Variants in ATP13A4 observed in about 807,000 individuals in gnomAD.
The protein encoded by ATP13A4 is probable cation-transporting ATPase 13A4.
Under a neutral mutation model 142.5 loss-of-function variants are expected in ATP13A4, and 114 were observed. The observed-to-expected ratio is 0.80, with a 90% CI of 0.69 to 0.93. The LOEUF is 0.93. Among genes scored for constraint, ATP13A4 ranks in the 40% least tolerant of loss-of-function variants. The pLI, the probability that ATP13A4 is intolerant of heterozygous loss-of-function variation, is 0.00. For missense variants in ATP13A4, 1,392 were observed against 1,454.0 expected, an observed-to-expected ratio of 0.96 and a Z score of 0.69; for synonymous variants, 488 against 514.8, an observed-to-expected ratio of 0.95 and a Z score of 0.70.
chr3:193,433,176 A>G (rs576365151), intron 25 of ATP13A4, among the ~76,000 whole-genome samples: 7 of 152,346 alleles, frequency 4.6e-5, no homozygotes, highest in Non-Finnish European at 7.3e-5. Context: ...TCATTCATCA[A>G]TAGAATTTCA....
intron 2 of ATP13A4, among the ~76,000 whole-genome samples, chr3:193,503,852 C>G (rs1044524542): frequency 6.6e-6 from 1 of 152,080 alleles, no homozygotes; most frequent in Admixed American, 6.6e-5. Flanking sequence ...GGTGATCTCT[C>G]CTCTAAATCA....
Position 193,523,629 on chromosome 3 carries a change from A to G in ATP13A4, c.61-8758T>C, listed in dbSNP as rs562003747. Among the ~76,000 whole-genome samples the G allele has an allele frequency of 1.6e-4, 25 of 152,322 alleles. No homozygotes were observed. In the South Asian group the frequency reaches 5.0e-3, roughly 30 times the overall value. On this transcript the variant is annotated intron_variant, in intron 1 of 29. Transcript: ENST00000342695. Reference sequence around the variant, plus strand: ...GGTACTCTCCCTCCATGGGGACAAAAGCTCCGGTGCTAGAGTCTTCCAGAC... The same window carrying G: ...GGTACTCTCCCTCCATGGGGACAAAGGCTCCGGTGCTAGAGTCTTCCAGAC...
chr3:193,581,131 T>C (rs937409938), intron 2 of ATP13A4, among the ~76,000 whole-genome samples: 3 of 152,192 alleles, frequency 2.0e-5, no homozygotes, highest in African/African-American at 7.2e-5. Flanking sequence ...AGTAAAACAA[T>C]GAAGATGTAC....
intron 2 of ATP13A4, among the ~76,000 whole-genome samples, chr3:193,508,922 T>C (rs907433978): frequency 5.3e-5 from 8 of 151,354 alleles, no homozygotes; most frequent in African/African-American, 1.7e-4. Context: ...ATGTGCTAGG[T>C]GCCAGGGGGA....
At chr3:193,405,534 G>A (rs1714451722) in intron 29 of ATP13A4, among the ~76,000 whole-genome samples, 1 of 152,144 alleles carries the variant, frequency 6.6e-6, no homozygotes, top group South Asian at 2.1e-4. Context: ...GAAAACAGAT[G>A]TAAAGTCCGG....
chr3:193,438,939 G>T (rs1228758967), intron 22 of ATP13A4, 84 bp downstream of exon 22: 2 of 1,366,664 alleles, frequency 1.5e-6, no homozygotes, highest in African/African-American at 2.9e-5. Context: ...GTGAGATTAT[G>T]ACTACACACA....
intron 9 of ATP13A4, 82 bp from the exon 10 acceptor site, chr3:193,467,568 C>A: frequency 6.9e-7 from 1 of 1,440,388 alleles, no homozygotes; most frequent in Non-Finnish European, 9.7e-7. Context: ...CATCATACAA[C>A]AGACATTTTT....
At chr3:193,423,423 TA>T (rs199550353) in intron 25 of ATP13A4, among the ~76,000 whole-genome samples, 67 of 148,162 alleles carry the variant, frequency 4.5e-4, no homozygotes, top group Middle Eastern at 7.0e-3. Flanking sequence ...AATATAGATG[TA>T]AAAAAAAATC....
chr3:193,448,973 A>G (rs1010378174), intron 17 of ATP13A4, among the ~76,000 whole-genome samples: 8 of 152,026 alleles, frequency 5.3e-5, no homozygotes, highest in Non-Finnish European at 1.2e-4. Context: ...ACAAAGCATG[A>G]AAAAAAACGG....
rs554994885 is a variant in ATP13A4, at chr3:193,428,197, T to C, written c.2842+5648A>G. 5.9e-5 allele frequency among the ~76,000 whole-genome samples: 9 copies of C among 152,020 alleles called. No individual in the cohort carries two copies. In the East Asian group the frequency reaches 1.5e-3, roughly 26 times the overall value. ...CAAAAGACACATGAAAAAATGCTCA[T>C]CATCACTGGCCATCAGAGAAATGCA... On this transcript the variant is annotated intron_variant, in intron 25 of 29. Transcript: ENST00000342695.
chr3:193,577,077 GATAA>G (rs1286908810), intron 2 of ATP13A4, among the ~76,000 whole-genome samples: 12 of 152,210 alleles, frequency 7.9e-5, no homozygotes, highest in African/African-American at 2.9e-4. Flanking sequence ...AATACACTTG[GATAA>G]ATACATTGCC....
At chr3:193,556,293 C>A (rs185904219), upstream of ATP13A4, among the ~76,000 whole-genome samples, 6 of 152,282 alleles carry the variant, frequency 3.9e-5, no homozygotes, top group Non-Finnish European at 7.4e-5. Flanking sequence ...GTCTGTCCCT[C>A]AAGCTACATT....
At chr3:193,442,713 T>A (rs570077137) in intron 18 of ATP13A4, among the ~76,000 whole-genome samples, 157 bp from the exon 19 acceptor site, 1 of 152,378 alleles carries the variant, frequency 6.6e-6, no homozygotes, top group Admixed American at 6.5e-5. Context: ...TGTGACTCCA[T>A]GATCCCTTTT....
rs1718374969 is a variant in ATP13A4 at position 193,467,547 on chromosome 3, C to T, written c.944-61G>A. On this transcript the variant is annotated intron_variant, in intron 9 of 29. Coordinates refer to ENST00000342695, the MANE Select transcript of ATP13A4 (RefSeq NM_032279.4). The stretch of plus-strand genomic sequence containing the variant: ...ATGGCTTCCCTCATTTAAATCATGC[C>T]TGCACCCACTCATCATACAACAGAC... 2.6e-6 allele frequency: 4 copies of T among 1,524,680 alleles called. No individual in the cohort carries two copies. The Admixed American group carries it at 5.0e-5, about 19-fold the overall frequency. 94.4% of individuals were successfully genotyped at this position (1,524,680 alleles called of 1,614,324 possible).
chr3:193,421,462 T>C (rs190466660), intron 25 of ATP13A4, among the ~76,000 whole-genome samples: 3 of 149,708 alleles, frequency 2.0e-5, no homozygotes, highest in African/African-American at 4.9e-5. Flanking sequence ...TAAAAACATA[T>C]GAAAGTATAA....
chr3:193,558,418 A>G (rs551051164), upstream of ATP13A4, among the ~76,000 whole-genome samples: 21 of 152,340 alleles, frequency 1.4e-4, no homozygotes, highest in Non-Finnish European at 2.1e-4. Context: ...GAAGGATTCC[A>G]TTCACTCATT....
At chr3:193,592,701 A>G (rs1724864266) in intron 1 of ATP13A4, among the ~76,000 whole-genome samples, 2 of 152,168 alleles carry the variant, frequency 1.3e-5, no homozygotes, top group African/African-American at 4.8e-5. Context: ...TTCCCATCTG[A>G]TCCTCAGAGA....
At chr3:193,542,109 A>G (rs1321743926) in intron 1 of ATP13A4, among the ~76,000 whole-genome samples, 1 of 152,200 alleles carries the variant, frequency 6.6e-6, no homozygotes, top group Admixed American at 6.5e-5. Context: ...TCTTAACCTA[A>G]TAAACAACTT....
upstream of ATP13A4, among the ~76,000 whole-genome samples, chr3:193,559,087 T>C (rs1723961679): frequency 6.6e-6 from 1 of 152,180 alleles, no homozygotes; most frequent in Non-Finnish European, 1.5e-5. Flanking sequence ...GTCTGGCCCA[T>C]TTAGGTTTTG....
Sources: allele counts gnomAD v4.1 joint callset (sites outside exome capture counted in the v4.1 genomes callset), GRCh38; gene constraint gnomAD v4.1.1; transcripts MANE v1.5; gene names NCBI Gene and HGNC (gene_info 2026-07-23, HGNC 2026-07-21).